The following DGKB variants were observed in gnomAD, a reference collection of about 807,000 sequenced individuals.
DGKB encodes the protein diacylglycerol kinase beta.
In DGKB, 67 loss-of-function variants were observed where a neutral mutation model predicts 114.3. That is an observed-to-expected ratio of 0.59 (90% CI 0.48 to 0.72). The LOEUF (loss-of-function observed/expected upper bound fraction) is 0.72. DGKB is among the 30% of genes least tolerant of loss of function. The probability of loss-of-function intolerance (pLI) is 0.00; values close to 1 mark genes in which losing one functional copy is unlikely to be tolerated. For synonymous variants in DGKB, 398 were observed against 323.1 expected, an observed-to-expected ratio of 1.23 and a Z score of -2.49; for missense variants, 907 against 975.2, an observed-to-expected ratio of 0.93 and a Z score of 0.93.
intron 23 of DGKB, among the ~76,000 whole-genome samples, chr7:14,279,323 C>T (rs1799526943): frequency 6.6e-6 from 1 of 152,160 alleles, no homozygotes; most frequent in Non-Finnish European, 1.5e-5. Context: ...CCACCATTGC[C>T]CAGGCTTGAT....
At chr7:14,782,174 G>A (rs1471340488) in intron 2 of DGKB, among the ~76,000 whole-genome samples, 1 of 151,990 alleles carries the variant, frequency 6.6e-6, no homozygotes, top group Non-Finnish European at 1.5e-5. Context: ...ATAGGCCTGT[G>A]CCACCAAACT....
intron 17 of DGKB, among the ~76,000 whole-genome samples, chr7:14,584,604 A>T (rs893197168): frequency 6.6e-6 from 1 of 152,112 alleles, no homozygotes; most frequent in African/African-American, 2.4e-5. Flanking sequence ...CTGTCCTATG[A>T]AAAGAACACT....
chr7:14,869,784 T>G (rs1336732878), intron 1 of DGKB, among the ~76,000 whole-genome samples: 3 of 152,260 alleles, frequency 2.0e-5, no homozygotes, highest in South Asian at 2.1e-4. Context: ...TAAATTAATT[T>G]TGTTTATATT....
chr7:14,520,038 G>A (rs1009775081), intron 20 of DGKB, among the ~76,000 whole-genome samples: 2 of 151,514 alleles, frequency 1.3e-5, no homozygotes, highest in South Asian at 4.2e-4. Flanking sequence ...AGAACAAATA[G>A]TTTTAATTTT....
chr7:14,304,079 ACACACACACTCT>A (rs1562885240), intron 23 of DGKB, among the ~76,000 whole-genome samples: 1 of 94,244 alleles, frequency 1.1e-5, no homozygotes, highest in African/African-American at 5.2e-5. Flanking sequence ...ACACACACAC[ACACACACACTCT>A]CTCTCTCTCA....
At chr7:14,873,493 G>A (rs1400150683) in intron 1 of DGKB, among the ~76,000 whole-genome samples, 1 of 151,916 alleles carries the variant, frequency 6.6e-6, no homozygotes, top group Non-Finnish European at 1.5e-5. Context: ...ATTTACTCAA[G>A]TATAACAAAC....
intron 1 of DGKB, among the ~76,000 whole-genome samples, chr7:14,968,801 A>G (rs1327731796): frequency 1.3e-5 from 2 of 152,184 alleles, no homozygotes; most frequent in African/African-American, 4.8e-5. Flanking sequence ...TTGAGCATAT[A>G]CATTGATTAA....
chr7:14,901,713 T>C (rs1783109658), intron 1 of DGKB, among the ~76,000 whole-genome samples: 1 of 151,764 alleles, frequency 6.6e-6, no homozygotes, highest in Admixed American at 6.6e-5. Context: ...TCTGATTTAT[T>C]TTCTAGAAAA....
At chr7:14,576,055 C>T (rs1401526969) in intron 19 of DGKB, among the ~76,000 whole-genome samples, 4 of 152,130 alleles carry the variant, frequency 2.6e-5, no homozygotes, top group African/African-American at 9.7e-5. Context: ...CTACTTAATA[C>T]ATACAGTAAA....
At chr7:14,623,998 T>C (rs11983714) in intron 14 of DGKB, among the ~76,000 whole-genome samples, 40,687 of 152,040 alleles carry the variant, frequency 0.27, 6,311 homozygotes, top group East Asian at 0.69. Flanking sequence ...GTCTGTAATA[T>C]TGTCACTACA....
At position 14,930,739 on chromosome 7, in the gene DGKB, TATGTTAAATAGGA is replaced by T. The variant is rs1784973520; in HGVS notation, c.-188+43944_-188+43956del. Among the ~76,000 whole-genome samples the T allele has an allele frequency of 8.5e-5, 13 of 152,278 alleles. No individual in the cohort carries two copies. In the South Asian group the frequency reaches 2.7e-3, roughly 32 times the overall value. ...TTGTTCTGCCTAGGACTTCCAGTAG[TATGTTAAATAGGA>T]GTGGTGAGAATGGGCATCCTTGACT... On this transcript the variant is annotated intron_variant, in intron 1 of 4. Transcript: ENST00000437998.
chr7:14,499,530 A>G (rs1785807929), intron 20 of DGKB, among the ~76,000 whole-genome samples: 2 of 151,830 alleles, frequency 1.3e-5, no homozygotes, highest in African/African-American at 4.8e-5. Context: ...ACCAAAAGTT[A>G]GAAGGAAGAC....
intron 21 of DGKB, among the ~76,000 whole-genome samples, chr7:14,392,989 G>GTTTTTTTTT (rs776845811): frequency 2.4e-3 from 24 of 10,170 alleles, no homozygotes; most frequent in African/African-American, 3.2e-3. Flanking sequence ...CCTGTTTTTT[G>GTTTTTTTTT]TTTTTGTTTT....
rs1275879342 is a variant in DGKB, at chr7:14,145,841, A to G, written c.*3290T>C. 2.6e-5 allele frequency: 4 copies of G among 152,346 alleles called. No individual in the cohort carries two copies. The East Asian group carries it at 7.7e-4, about 29-fold the overall frequency. 9.4% of individuals were successfully genotyped at this position (152,346 alleles called of 1,614,324 possible). A position where few individuals can be genotyped will look rare whatever the true frequency, so the allele number is the denominator to read the frequency against. On this transcript the variant is annotated 3_prime_UTR_variant, in exon 26 of 26. Coordinates refer to ENST00000402815, the MANE Select transcript of DGKB (RefSeq NM_001350709.2). ...ATGATCTCAAAATCTTGTCTCATTC[A>G]AGAATACAGTGTGAGATTCAAGGAG...
At chr7:14,887,132 G>A (rs1412243474) in intron 1 of DGKB, among the ~76,000 whole-genome samples, 2 of 151,700 alleles carry the variant, frequency 1.3e-5, no homozygotes, top group Non-Finnish European at 2.9e-5. Context: ...TATTATATAT[G>A]TTTTCTCTCC....
intron 18 of DGKB, among the ~76,000 whole-genome samples, chr7:14,582,644 C>T (rs7777504): frequency 0.44 from 66,522 of 151,954 alleles, 14,736 homozygotes; most frequent in Middle Eastern, 0.51. Context: ...TGGATGATAA[C>T]GATACAAATG....
intron 13 of DGKB, among the ~76,000 whole-genome samples, chr7:14,655,194 A>G (rs1815511351): frequency 6.6e-6 from 1 of 151,860 alleles, no homozygotes; most frequent in Admixed American, 6.6e-5. Flanking sequence ...AGCAATAATA[A>G]TAATGGTAAT....
At chr7:14,189,364 C>A (rs187206112) in intron 23 of DGKB, among the ~76,000 whole-genome samples, 15 of 152,244 alleles carry the variant, frequency 9.9e-5, no homozygotes, top group Middle Eastern at 3.4e-3. Flanking sequence ...AACTACAAGA[C>A]TCTTTATGTT....
intron 23 of DGKB, among the ~76,000 whole-genome samples, chr7:14,251,406 C>A (rs1032203454): frequency 6.6e-6 from 1 of 152,076 alleles, no homozygotes; most frequent in Non-Finnish European, 1.5e-5. Context: ...ACTTCTCCCA[C>A]ATTTTATGTT....
Sources: gnomAD v4.1 joint callset for allele counts (sites outside exome capture counted in the v4.1 genomes callset) on GRCh38, gnomAD v4.1.1 for gene constraint, MANE v1.5 for transcripts, NCBI Gene and HGNC (gene_info 2026-07-23, HGNC 2026-07-21) for gene names.